CFAP61: variants seen among roughly 807,000 people sequenced by gnomAD.
CFAP61 encodes cilia and flagella associated protein 61.
CFAP61 carries 107 observed loss-of-function variants against 135.6 expected under a neutral mutation model. That is an observed-to-expected ratio of 0.79 (90% CI 0.67 to 0.93). The LOEUF (loss-of-function observed/expected upper bound fraction) is 0.93. CFAP61 is among the 40% of genes least tolerant of loss of function. The pLI, the probability that CFAP61 is intolerant of heterozygous loss-of-function variation, is 0.00. For synonymous variants in CFAP61, 575 were observed against 578.5 expected, an observed-to-expected ratio of 0.99 and a Z score of 0.09; for missense variants, 1,507 against 1,556.2, an observed-to-expected ratio of 0.97 and a Z score of 0.53.
intron 25 of CFAP61, among the ~76,000 whole-genome samples, chr20:20,314,748 C>T (rs2057028981): frequency 7.7e-6 from 1 of 129,486 alleles, no homozygotes; most frequent in African/African-American, 3.0e-5. Flanking sequence ...CATGTGTTCT[C>T]ATTGTTCAAT....
chr20:20,097,117 G>A lies in CFAP61; in HGVS notation c.700-1538G>A, dbSNP rs540225282. ...ACCTATTTTTTTTTTTTTTTTTGGTGTCATTTAAAAAACTGAGTATTATTG... is the reference window on the plus strand; with the variant it reads ...ACCTATTTTTTTTTTTTTTTTTGGTATCATTTAAAAAACTGAGTATTATTG... On this transcript the variant is annotated intron_variant, in intron 7 of 26. Coordinates refer to ENST00000245957, the MANE Select transcript of CFAP61 (RefSeq NM_015585.4). 2.1e-5 allele frequency among the ~76,000 whole-genome samples: 3 copies of A among 143,986 alleles called. No homozygotes were observed. The South Asian group carries it at 6.5e-4, about 31-fold the overall frequency. The allele number at this position is 143,986 out of a possible 152,430, so 94.5% of individuals were successfully genotyped here.
chr20:20,116,608 G>C (rs1019456808), intron 8 of CFAP61, among the ~76,000 whole-genome samples: 1 of 152,022 alleles, frequency 6.6e-6, no homozygotes, highest in Non-Finnish European at 1.5e-5. Context: ...TTATTTTTGT[G>C]TATGGTGAGA....
intron 2 of CFAP61, among the ~76,000 whole-genome samples, chr20:20,067,740 A>C (rs1419398485): frequency 6.9e-6 from 1 of 145,426 alleles, no homozygotes; most frequent in Non-Finnish European, 1.5e-5. Context: ...ATTATTTTAT[A>C]TATAATATAT....
intron 13 of CFAP61, among the ~76,000 whole-genome samples, chr20:20,176,562 TG>T (rs1359279639): frequency 1.3e-5 from 2 of 152,184 alleles, no homozygotes; most frequent in Non-Finnish European, 1.5e-5. Context: ...TGCAGGGACA[TG>T]GATGGAGCTG....
intron 8 of CFAP61, among the ~76,000 whole-genome samples, chr20:20,113,282 C>T (rs1245472180): frequency 2.6e-5 from 4 of 152,094 alleles, no homozygotes; most frequent in Non-Finnish European, 4.4e-5. Context: ...TTATCTTCTC[C>T]ACTTATCACT....
Position 20,097,666 on chromosome 20 carries a change from C to T in CFAP61, c.700-989C>T, listed in dbSNP as rs377034990. 9.2e-5 allele frequency among the ~76,000 whole-genome samples: 14 copies of T among 152,276 alleles called. No homozygotes were observed. The East Asian group carries it at 1.5e-3, about 17-fold the overall frequency. On this transcript the variant is annotated intron_variant, in intron 7 of 26. Coordinates refer to ENST00000245957, the MANE Select transcript of CFAP61 (RefSeq NM_015585.4). ...CATCAAAGACTGAAAATCATGGGGA[C>T]GACTGCAAGAGCTTCAGAACCAGGC... is the stretch of plus-strand genomic sequence containing the variant.
intron 3 of CFAP61, 140 bp downstream of exon 3, chr20:20,071,144 A>C: frequency 1.1e-6 from 1 of 876,940 alleles, no homozygotes; most frequent in South Asian, 1.9e-5. Context: ...GCTGGTGGGG[A>C]GGAAAAGAGG....
chr20:20,246,662 CCAGTAGAAT>C (rs1388581837), intron 19 of CFAP61, among the ~76,000 whole-genome samples: 5 of 152,344 alleles, frequency 3.3e-5, no homozygotes, highest in African/African-American at 1.2e-4. Context: ...TGTCTTCATC[CCAGTAGAAT>C]CACTATTTGA....
At chr20:20,236,458 C>T (rs540586522) in intron 18 of CFAP61, among the ~76,000 whole-genome samples, 2 of 152,246 alleles carry the variant, frequency 1.3e-5, no homozygotes, top group East Asian at 3.9e-4. Flanking sequence ...TTCCAAACCA[C>T]ATTTTCTAAT....
chr20:20,129,514 A>T (rs928206281), intron 8 of CFAP61, among the ~76,000 whole-genome samples: 3 of 151,256 alleles, frequency 2.0e-5, no homozygotes, highest in Admixed American at 2.0e-4. Flanking sequence ...ACTTTTGATC[A>T]GTTTATTATA....
intron 26 of CFAP61, among the ~76,000 whole-genome samples, chr20:20,355,635 A>AAGGGGAGGTAGTCACACTGTG (rs2059086017): frequency 1.0e-5 from 1 of 99,440 alleles, no homozygotes; most frequent in South Asian, 3.5e-4. Flanking sequence ...AGGTCACACT[A>AAGGGGAGGTAGTCACACTGTG]AGGGGAGGTA....
chr20:20,200,818 A>T (rs1569119708), intron 17 of CFAP61: 2 of 985,292 alleles, frequency 2.0e-6, no homozygotes. Context: ...CCCGACCCAG[A>T]GCCTGTCTTA....
rs561177023 is a variant in CFAP61 at position 20,139,035 on chromosome 20, CT to C, written c.860-3818del. 3.3e-5 allele frequency among the ~76,000 whole-genome samples: 5 copies of C among 152,232 alleles called. No individual in the cohort carries two copies. In the South Asian group the frequency reaches 1.0e-3, roughly 32 times the overall value. On this transcript the variant is annotated intron_variant, in intron 8 of 26. Coordinates refer to ENST00000245957, the MANE Select transcript of CFAP61 (RefSeq NM_015585.4). ...TGTTTACTGTTTCTCCATATTTGCT[CT>C]TTTAGAATCAATTTATTTCATCACA...
At chr20:20,094,568 C>CGT (rs1411968568) in intron 7 of CFAP61, 1 of 152,356 alleles carries the variant, frequency 6.6e-6, no homozygotes, top group East Asian at 1.9e-4. Context: ...TCTCTCTTGC[C>CGT]GTATGTTTCA....
chr20:20,108,151 G>A (rs1001073188), intron 8 of CFAP61, among the ~76,000 whole-genome samples: 1 of 152,088 alleles, frequency 6.6e-6, no homozygotes, highest in Non-Finnish European at 1.5e-5. Context: ...TTAGCTCTGG[G>A]CAAGAAGCAC....
chr20:20,248,755 C>G (rs573857242), intron 19 of CFAP61, among the ~76,000 whole-genome samples: 1 of 152,238 alleles, frequency 6.6e-6, no homozygotes, highest in African/African-American at 2.4e-5. Context: ...ATCTGTGGCC[C>G]CCAGAGCTTG....
intron 3 of CFAP61, among the ~76,000 whole-genome samples, chr20:20,072,030 C>A (rs1189950471): frequency 1.3e-5 from 2 of 148,154 alleles, no homozygotes; most frequent in Non-Finnish European, 3.0e-5. Flanking sequence ...TAGAGCTAAC[C>A]TCAAAGGTTA....
At position 20,340,935 on chromosome 20, in the gene CFAP61, T is replaced by C. The variant is rs117556063; in HGVS notation, c.3423-896T>C. Among the ~76,000 whole-genome samples, 1,072 of 152,256 alleles carry C rather than the reference T, an allele frequency of 7.0e-3. 3 individuals are homozygous for C. The highest frequency in any genetic ancestry group is 0.012 in the Non-Finnish European group (820 of 68,004). On this transcript the variant is annotated intron_variant, in intron 25 of 26. Transcript: ENST00000245957. ...GACTCTCGGCGTCGTATCTGTCCTC[T>C]AGTGCCCCCGTGGCCCCTGGGACAC...
rs60171844 is a variant in CFAP61 at position 20,327,777 on chromosome 20, C to CAAAAAAAAAAAA, written c.3423-14037_3423-14026dup. 6.5e-4 allele frequency among the ~76,000 whole-genome samples: 39 copies of CAAAAAAAAAAAA among 60,340 alleles called. 3 individuals are homozygous for CAAAAAAAAAAAA. Among genetic ancestry groups the CAAAAAAAAAAAA allele is most frequent in the African/African-American group, 1.8e-3 (28 of 15,784 alleles). 39.6% of individuals were successfully genotyped at this position (60,340 alleles called of 152,430 possible). Reference sequence around the variant, plus strand: ...CCTGGGCAACAGAGCAAGAGCCTGTCAAAAAAAAAAAAAAAAAAAAAAAAA... The same window carrying CAAAAAAAAAAAA: ...CCTGGGCAACAGAGCAAGAGCCTGTCAAAAAAAAAAAAAAAAAAAAAAAAAAAAAAAAAAAAA... On this transcript the variant is annotated intron_variant, in intron 25 of 26. Transcript: ENST00000245957.
Sources: allele counts gnomAD v4.1 joint callset (sites outside exome capture counted in the v4.1 genomes callset), GRCh38; gene constraint gnomAD v4.1.1; transcripts MANE v1.5; gene names NCBI Gene and HGNC (gene_info 2026-07-23, HGNC 2026-07-21).